SORBS2: variants seen among roughly 807,000 people sequenced by gnomAD.
SORBS2 encodes the protein sorbin and SH3 domain-containing protein 2.
Under a neutral mutation model 97.7 loss-of-function variants are expected in SORBS2, and 46 were observed. The ratio of observed to expected loss-of-function variants is 0.47; its 90% CI spans 0.37 to 0.60. The LOEUF is 0.60. Among genes scored for constraint, SORBS2 ranks in the 20% least tolerant of loss-of-function variants. The pLI is 0.00. For synonymous variants in SORBS2, 476 were observed against 473.4 expected (o/e 1.01, Z -0.07); for missense variants, 1,316 against 1,282.3 (o/e 1.03, Z -0.40).
intron 2 of SORBS2, among the ~76,000 whole-genome samples, chr4:185,697,469 C>A (rs12505260): frequency 6.6e-6 from 1 of 151,594 alleles, no homozygotes; most frequent in Non-Finnish European, 1.5e-5. Context: ...CTAAGATTTT[C>A]CCCCCCACAC....
At chr4:185,945,889 GCAGT>G in intron 1 of SORBS2, among the ~76,000 whole-genome samples, 1 of 152,292 alleles carries the variant, frequency 6.6e-6, no homozygotes, top group South Asian at 2.1e-4. Context: ...AGAAGCAGCA[GCAGT>G]CAGAAAGGCA....
At chr4:185,885,038 A>G (rs1184741644) in intron 1 of SORBS2, among the ~76,000 whole-genome samples, 1 of 152,176 alleles carries the variant, frequency 6.6e-6, no homozygotes, top group African/African-American at 2.4e-5. Context: ...TATCTTGAGA[A>G]GGAGAGCAAC....
intron 1 of SORBS2, among the ~76,000 whole-genome samples, chr4:185,776,446 C>T (rs1280286066): frequency 6.6e-6 from 1 of 152,046 alleles, no homozygotes; most frequent in Non-Finnish European, 1.5e-5. Context: ...TACTTTCTAC[C>T]AAGGAAGCAG....
chr4:185,828,597 A>G (rs549663785), intron 1 of SORBS2, among the ~76,000 whole-genome samples: 36 of 152,128 alleles, frequency 2.4e-4, no homozygotes, highest in Non-Finnish European at 4.3e-4. Context: ...GCACAAAATT[A>G]AAAATATTAG....
intron 1 of SORBS2, among the ~76,000 whole-genome samples, chr4:185,909,074 T>TA: frequency 6.6e-6 from 1 of 152,266 alleles, no homozygotes; most frequent in African/African-American, 2.4e-5. Flanking sequence ...AAGAAGTCGT[T>TA]ATATCAAAAA....
intron 1 of SORBS2, among the ~76,000 whole-genome samples, chr4:185,805,928 G>GA (rs1213065464): frequency 6.6e-6 from 1 of 152,186 alleles, no homozygotes; most frequent in Non-Finnish European, 1.5e-5. Flanking sequence ...ACAGAGAACT[G>GA]AAATAATTGG....
chr4:185,601,500 C>A (rs551890675), intron 12 of SORBS2, among the ~76,000 whole-genome samples: 1 of 152,158 alleles, frequency 6.6e-6, no homozygotes, highest in Non-Finnish European at 1.5e-5. Flanking sequence ...GCGATGAGCC[C>A]ACATCAGATG....
chr4:185,947,527 C>T (rs560561540), intron 1 of SORBS2, among the ~76,000 whole-genome samples: 1 of 152,308 alleles, frequency 6.6e-6, no homozygotes, highest in African/African-American at 2.4e-5. Flanking sequence ...CTTCCAATTG[C>T]CAGCTCTGTG....
At chr4:185,619,822 G>A (rs919794774) in intron 8 of SORBS2, among the ~76,000 whole-genome samples, 15 of 152,130 alleles carry the variant, frequency 9.9e-5, no homozygotes, top group African/African-American at 2.4e-4. Context: ...GTCAAGACTC[G>A]GAGAAGCCTC....
intron 4 of SORBS2, among the ~76,000 whole-genome samples, chr4:185,645,276 T>G (rs2097189540): frequency 6.6e-6 from 1 of 152,256 alleles, no homozygotes; most frequent in Admixed American, 6.5e-5. Context: ...TTCAATTTTC[T>G]GCAATGATGA....
chr4:185,651,228 A>G (rs916369922), intron 2 of SORBS2, among the ~76,000 whole-genome samples: 1 of 152,206 alleles, frequency 6.6e-6, no homozygotes, highest in African/African-American at 2.4e-5. Flanking sequence ...TGCACGAGAT[A>G]CCAAGGCTCG....
intron 1 of SORBS2, among the ~76,000 whole-genome samples, chr4:185,821,820 G>C (rs1191905838): frequency 6.6e-6 from 1 of 152,148 alleles, no homozygotes; most frequent in Middle Eastern, 3.2e-3. Context: ...CATTTTAATG[G>C]AGTCATTCAC....
chr4:185,675,763 C>T (rs747953133), intron 4 of SORBS2, among the ~76,000 whole-genome samples: 100 of 152,078 alleles, frequency 6.6e-4, no homozygotes, highest in Middle Eastern at 3.2e-3. Context: ...TTCATAGGTG[C>T]TTTCAGAAGA....
intron 1 of SORBS2, among the ~76,000 whole-genome samples, chr4:185,828,748 C>A (rs1476001384): frequency 6.6e-6 from 1 of 152,272 alleles, no homozygotes; most frequent in South Asian, 2.1e-4. Context: ...TGCCCCTCTA[C>A]TGCCATTCCT....
At chr4:185,942,618 G>C (rs757492473) in intron 1 of SORBS2, among the ~76,000 whole-genome samples, 7 of 152,034 alleles carry the variant, frequency 4.6e-5, no homozygotes, top group Non-Finnish European at 7.4e-5. Flanking sequence ...CAAAGTGCTG[G>C]GATTATAGGC....
chr4:185,936,976 C>T (rs568419592), intron 1 of SORBS2, among the ~76,000 whole-genome samples: 1 of 152,358 alleles, frequency 6.6e-6, no homozygotes, highest in African/African-American at 2.4e-5. Flanking sequence ...AGAGGACTAC[C>T]TTCTAAAAGA....
chr4:185,796,442 TCGCTCCATGCCTGGGCGCTGTGGCCACGC>T (rs2099104920), intron 1 of SORBS2, among the ~76,000 whole-genome samples: 6 of 152,246 alleles, frequency 3.9e-5, no homozygotes, highest in African/African-American at 1.4e-4. Context: ...ATGAAATCCA[TCGCTCCATGCCTGGGCGCTGTGGCCACGC>T]TGCTCCCTGG....
At chr4:185,869,525 C>T (rs2099229222) in intron 1 of SORBS2, among the ~76,000 whole-genome samples, 1 of 152,216 alleles carries the variant, frequency 6.6e-6, no homozygotes, top group Admixed American at 6.5e-5. Context: ...CCCACACGCA[C>T]ATTCTAGCAA....
At chr4:185,638,436 C>T (rs1581545957) in intron 4 of SORBS2, among the ~76,000 whole-genome samples, 1 of 152,182 alleles carries the variant, frequency 6.6e-6, no homozygotes, top group Admixed American at 6.5e-5. Flanking sequence ...TTGAGTTGAT[C>T]CACTTACGCT....
Sources: allele counts gnomAD v4.1 joint callset (sites outside exome capture counted in the v4.1 genomes callset), GRCh38; gene constraint gnomAD v4.1.1; transcripts MANE v1.5; gene names NCBI Gene and HGNC (gene_info 2026-07-23, HGNC 2026-07-21).